Variants in MPST observed in about 807,000 individuals in gnomAD.
The protein encoded by MPST is mercaptopyruvate sulfurtransferase.
A neutral mutation model predicts 28.5 loss-of-function variants in MPST; 27 were observed. The ratio of observed to expected loss-of-function variants is 0.95; its 90% CI spans 0.70 to 1.31. The LOEUF is 1.31. Ranked by LOEUF, MPST falls within the 50% of genes most tolerant of loss-of-function variation. The probability of loss-of-function intolerance (pLI) is 0.00; values close to 1 mark genes in which losing one functional copy is unlikely to be tolerated. For missense variants in MPST, 492 were observed against 471.1 expected (o/e 1.04, Z -0.41); for synonymous variants, 204 against 209.3 (o/e 0.97, Z 0.22).
chr22:37,025,105 G>A (rs1422158876), intron 2 of MPST: 1 of 1,464,124 alleles, frequency 6.8e-7, no homozygotes. Context: ...GCCTGACCTT[G>A]CCTTTAAAGG....
Position 37,019,881 on chromosome 22 carries a change from C to T in MPST, c.36+9C>T, listed in dbSNP as rs1922925322. On this transcript the variant is annotated intron_variant, in intron 1 of 2. Transcript: ENST00000429360. Reference sequence around the variant, plus strand: ...GGGAGTCCGAGACCCGGGTAACTGCCGCGGCGTGGCGGCTTGCCTTTCTGG... The same window carrying T: ...GGGAGTCCGAGACCCGGGTAACTGCTGCGGCGTGGCGGCTTGCCTTTCTGG... 2 of 1,209,756 alleles carry T rather than the reference C, an allele frequency of 1.7e-6. No individual in the cohort carries two copies. The highest frequency in any genetic ancestry group is 1.6e-5 in the African/African-American group (1 of 63,826). 74.9% of individuals were successfully genotyped at this position (1,209,756 alleles called of 1,614,324 possible). A position where few individuals can be genotyped will look rare whatever the true frequency, so the allele number is the denominator to read the frequency against.
chr22:37,023,301 T>C (rs10427778), intron 1 of MPST: 30,333 of 152,276 alleles, frequency 0.2, 6,929 homozygotes, highest in African/African-American at 0.56. Context: ...TTGCTCTTGT[T>C]CCCCAGGCTG....
rs752914954 is a variant in MPST at position 37,029,475 on chromosome 22, C to G, written c.915C>G (p.Pro305=). The G allele has an allele frequency of 5.6e-6, 9 of 1,610,468 alleles. No homozygotes were observed. Among genetic ancestry groups the G allele is most frequent in the Middle Eastern group, 1.7e-4 (1 of 5,826 alleles). Reference sequence around the variant, plus strand: ...TGGAGTGGTACATGCGCGCCCGGCCCGAGGATGTCATCTCAGAGGGCCGGG... The same window carrying G: ...TGGAGTGGTACATGCGCGCCCGGCCGGAGGATGTCATCTCAGAGGGCCGGG... ...SWVEWYMRAR[P]EDVISEGRGK... is the part of the protein sequence containing the mutation. Residue 305 remains proline, a synonymous_variant, in exon 3 of 3, where the codon CCC becomes CCG. Transcript: ENST00000429360.
chr22:37,022,720 T>C (rs1023677787), intron 1 of MPST, among the ~76,000 whole-genome samples: 2 of 152,230 alleles, frequency 1.3e-5, no homozygotes, highest in African/African-American at 4.8e-5. Context: ...GCATGTGACC[T>C]GGCCCACAGA....
rs1922989417 is a variant in MPST at position 37,020,492 on chromosome 22, A to G, written c.36+620A>G. 2.0e-5 allele frequency among the ~76,000 whole-genome samples: 3 copies of G among 152,164 alleles called. No homozygotes were observed. The South Asian group carries it at 6.2e-4, about 31-fold the overall frequency. On this transcript the variant is annotated intron_variant, in intron 1 of 2. Transcript: ENST00000429360. ...TTTTGAACTTAGCCCGTTTAATCAT[A>G]AGTTGATGTAATTCAATTTTTAATA...
At chr22:37,021,269 C>A (rs753499210) in intron 1 of MPST, among the ~76,000 whole-genome samples, 81 of 152,252 alleles carry the variant, frequency 5.3e-4, no homozygotes, top group Middle Eastern at 3.4e-3. Context: ...TTCTACCCCT[C>A]CCTGACACCC....
chr22:37,029,668 T>C lies in MPST; in HGVS notation c.*154T>C. ...TCAAAGGCCAGGAATTCCGTTGACT[T>C]GTTGGCTGCCAGTAGGGGCGGGAGG... On this transcript the variant is annotated 3_prime_UTR_variant, in exon 3 of 3. Transcript: ENST00000429360. The C allele has an allele frequency of 1.2e-6, 1 of 806,906 alleles. No homozygotes were observed. The allele number at this position is 806,906 out of a possible 1,614,324, so 50.0% of individuals were successfully genotyped here.
At chr22:37,025,738 C>T (rs952329824) in intron 2 of MPST, 4 of 152,826 alleles carry the variant, frequency 2.6e-5, no homozygotes, top group African/African-American at 9.7e-5. Flanking sequence ...CCGTGAGCAA[C>T]CAGGAACTCC....
intron 2 of MPST, chr22:37,026,140 T>C (rs1923509352): frequency 6.6e-6 from 1 of 152,214 alleles, no homozygotes. Context: ...GGGTTCTCCA[T>C]CTCAGCCCCA....
rs772721335 is a variant in MPST at position 37,029,373 on chromosome 22, C to T, written c.813C>T (p.Gly271=). 23 of 1,613,896 alleles carry T rather than the reference C, an allele frequency of 1.4e-5. No homozygotes were observed. The highest frequency in any genetic ancestry group is 2.2e-5 in the East Asian group (1 of 44,894). The change falls in exon 3 of 3, where the codon GGC becomes GGT. Residue 271 remains glycine (G), a synonymous_variant. Coordinates refer to ENST00000429360, the MANE Select transcript of MPST (RefSeq NM_021126.8). ...SKPLVATCGS[G]VTACHVALGA... ...CACTGGTGGCCACGTGTGGCTCTGG[C>T]GTCACAGCCTGCCACGTGGCACTAG...
rs902404486 is a variant in MPST at position 37,019,815 on chromosome 22, G to C, written c.-22G>C. 113 of 1,172,422 alleles carry C rather than the reference G, an allele frequency of 9.6e-5. No individual in the cohort carries two copies. The East Asian group carries it at 3.5e-3, about 37-fold the overall frequency. 72.6% of individuals were successfully genotyped at this position (1,172,422 alleles called of 1,614,324 possible). A position where few individuals can be genotyped will look rare whatever the true frequency, so the allele number is the denominator to read the frequency against. On this transcript the variant is annotated 5_prime_UTR_variant, in exon 1 of 3. Coordinates refer to ENST00000429360, the MANE Select transcript of MPST (RefSeq NM_021126.8). Reference sequence around the variant, plus strand: ...AGGGGACAGCTGCGGGCGCGGGGAGGGGGCGCCGCGCCGCGGGGGCCATGG... The same window carrying C: ...AGGGGACAGCTGCGGGCGCGGGGAGCGGGCGCCGCGCCGCGGGGGCCATGG...
chr22:37,023,811 A>C, intron 1 of MPST: 1 of 1,238,284 alleles, frequency 8.1e-7, no homozygotes, highest in Non-Finnish European at 1.0e-6. Flanking sequence ...CTTGGTTGCA[A>C]ATAAAGCCGA....
intron 2 of MPST, chr22:37,025,096 C>T (rs1037133821): frequency 1.4e-6 from 2 of 1,479,578 alleles, no homozygotes; most frequent in African/African-American, 1.4e-5. Flanking sequence ...CCCCGCTCAG[C>T]CTGACCTTGC....
At chr22:37,024,848 G>A (rs1203634410) in intron 2 of MPST, 38 bp downstream of exon 2, 5 of 1,591,898 alleles carry the variant, frequency 3.1e-6, no homozygotes, top group East Asian at 4.5e-5. Context: ...CGTCGGGGGC[G>A]CGGCCTCTAC....
intron 1 of MPST, among the ~76,000 whole-genome samples, chr22:37,020,371 C>T (rs535182980): frequency 1.3e-5 from 2 of 152,232 alleles, no homozygotes; most frequent in Admixed American, 6.5e-5. Flanking sequence ...AGAGTTGAGG[C>T]CGGGCCTGAT....
chr22:37,025,432 G>T, intron 2 of MPST: 1 of 235,664 alleles, frequency 4.2e-6, no homozygotes, highest in Non-Finnish European at 8.5e-6. Flanking sequence ...GTCTCTTCCA[G>T]GGACCAAAGC....
intron 1 of MPST, among the ~76,000 whole-genome samples, chr22:37,022,693 C>T (rs989396298): frequency 3.3e-5 from 5 of 152,222 alleles, no homozygotes; most frequent in Admixed American, 2.0e-4. Context: ...AATACCCGCC[C>T]AAGGCTGCGG....
intron 1 of MPST, 134 bp downstream of exon 1, chr22:37,020,006 A>C: frequency 2.3e-6 from 1 of 436,202 alleles, no homozygotes; most frequent in Non-Finnish European, 3.8e-6. Flanking sequence ...GCGCGCCGCT[A>C]CGTTGGCACT....
chr22:37,020,132 A>G, intron 1 of MPST: 1 of 382,978 alleles, frequency 2.6e-6, no homozygotes, highest in Non-Finnish European at 4.6e-6. Flanking sequence ...GGGGAGAGAG[A>G]GGAGGACAGG....
Sources: allele counts gnomAD v4.1 joint callset (sites outside exome capture counted in the v4.1 genomes callset), GRCh38; gene constraint gnomAD v4.1.1; transcripts MANE v1.5; gene names NCBI Gene and HGNC (gene_info 2026-07-23, HGNC 2026-07-21).